The following GAN variants were observed in gnomAD, a reference collection of about 807,000 sequenced individuals.
The protein encoded by GAN is epididymis secretory sperm binding protein.
GAN carries 48 observed loss-of-function variants against 71.3 expected under a neutral mutation model. That is an observed-to-expected ratio of 0.67 (90% CI 0.53 to 0.86). GAN has a LOEUF of 0.86. GAN is among the 40% of genes least tolerant of loss of function. GAN has a pLI of 0.00. For missense variants in GAN, 928 were observed against 770.1 expected (o/e 1.21, Z -2.43); for synonymous variants, 386 against 276.8 (o/e 1.39, Z -3.92).
chr16:81,343,542 A>G (rs1567486944), intron 1 of GAN, among the ~76,000 whole-genome samples: 4 of 152,228 alleles, frequency 2.6e-5, no homozygotes, highest in African/African-American at 9.6e-5. Context: ...ACAGATGTAG[A>G]AAAGGCCTTT....
intron 5 of GAN, among the ~76,000 whole-genome samples, chr16:81,360,106 A>G (rs1205856249): frequency 6.6e-6 from 1 of 152,146 alleles, no homozygotes; most frequent in African/African-American, 2.4e-5. Flanking sequence ...TAGATGATTG[A>G]TAGACAGGCA....
intron 1 of GAN, among the ~76,000 whole-genome samples, chr16:81,339,769 A>T (rs1909880960): frequency 6.6e-6 from 1 of 152,180 alleles, no homozygotes; most frequent in African/African-American, 2.4e-5. Flanking sequence ...AACAGCTGGC[A>T]TTACAACTGA....
intron 5 of GAN, among the ~76,000 whole-genome samples, chr16:81,358,838 C>G (rs1249127364): frequency 2.6e-5 from 4 of 152,174 alleles, no homozygotes; most frequent in Admixed American, 2.6e-4. Context: ...GCTCCCTTGT[C>G]CACCTGATAA....
chr16:81,335,058 T>C (rs539683224), intron 1 of GAN, among the ~76,000 whole-genome samples: 101 of 149,372 alleles, frequency 6.8e-4, no homozygotes, highest in Middle Eastern at 3.4e-3. Flanking sequence ...GGCTTGTTGT[T>C]TTAGACATGG....
intron 4 of GAN, 125 bp downstream of exon 4, chr16:81,357,127 T>A: frequency 1.3e-6 from 1 of 749,676 alleles, no homozygotes; most frequent in East Asian, 2.7e-5. Context: ...TTTTTATACT[T>A]TAAGTTTTAG....
At chr16:81,331,286 G>C (rs1044926853) in intron 1 of GAN, among the ~76,000 whole-genome samples, 1 of 152,204 alleles carries the variant, frequency 6.6e-6, no homozygotes, top group African/African-American at 2.4e-5. Context: ...GGTCATGAAA[G>C]ACAAGGAAGG....
chr16:81,375,172 C>T (rs936339492), intron 9 of GAN, among the ~76,000 whole-genome samples: 30 of 151,824 alleles, frequency 2.0e-4, no homozygotes, highest in African/African-American at 6.3e-4. Flanking sequence ...ATGAAAAGGC[C>T]ACCTACATGC....
At chr16:81,325,136 G>C (rs575904375) in intron 1 of GAN, among the ~76,000 whole-genome samples, 2 of 152,200 alleles carry the variant, frequency 1.3e-5, no homozygotes, top group Non-Finnish European at 2.9e-5. Flanking sequence ...CTTACAGTAG[G>C]CATTAAAGTC....
At chr16:81,315,357 C>T in intron 1 of GAN, 77 bp downstream of exon 1, 1 of 1,064,488 alleles carries the variant, frequency 9.4e-7, no homozygotes, top group South Asian at 3.1e-5. Context: ...CCGGGCGTGG[C>T]CCCCAGACCC....
intron 4 of GAN, 77 bp from the exon 5 acceptor site, chr16:81,357,733 C>G: frequency 3.7e-6 from 5 of 1,335,094 alleles, no homozygotes; most frequent in Non-Finnish European, 5.4e-6. Flanking sequence ...CTTTAGTAAA[C>G]TAAAACTAGT....
chr16:81,375,973 CAAAAAA>C (rs55948304), intron 9 of GAN, among the ~76,000 whole-genome samples: 1 of 106,530 alleles, frequency 9.4e-6, no homozygotes, highest in Admixed American at 1.0e-4. Flanking sequence ...GACCCTGTCT[CAAAAAA>C]AAAAAAAAAA....
intron 1 of GAN, among the ~76,000 whole-genome samples, chr16:81,347,982 A>C (rs905216777): frequency 6.6e-6 from 1 of 151,742 alleles, no homozygotes; most frequent in African/African-American, 2.4e-5. Context: ...AGTTTTCTTA[A>C]CTTATCTCTC....
intron 1 of GAN, among the ~76,000 whole-genome samples, chr16:81,332,905 A>G (rs1037795959): frequency 6.6e-6 from 1 of 152,160 alleles, no homozygotes; most frequent in Non-Finnish European, 1.5e-5. Context: ...TTGTCCCAAC[A>G]TTGGTATTGT....
intron 1 of GAN, among the ~76,000 whole-genome samples, chr16:81,331,325 A>T (rs11150386): frequency 0.98 from 148,705 of 152,318 alleles, 72,667 homozygotes; most frequent in Non-Finnish European, 1. Context: ...ATTAGAGACA[A>T]GACAACTAAC....
chr16:81,354,687 G>T lies in GAN; in HGVS notation c.565G>T (p.Val189Phe), dbSNP rs766484755. 2 of 1,613,562 alleles carry T rather than the reference G, an allele frequency of 1.2e-6. No homozygotes were observed. Among genetic ancestry groups the T allele is most frequent in the South Asian group, 2.2e-5 (2 of 91,070 alleles). ...AGTGATTTCTCTTGAGAAGTTAAAC[G>T]TTGGCAATGAAAGATATGTCTTTGA... ...KEVISLEKLN[V>F]GNERYVFEAV... The change falls in exon 3 of 11, where the codon GTT becomes TTT. Residue 189 changes from valine (V) to phenylalanine (F), a missense_variant. Coordinates refer to ENST00000648994, the MANE Select transcript of GAN (RefSeq NM_022041.4).
chr16:81,319,012 C>G (rs576221224), intron 1 of GAN, among the ~76,000 whole-genome samples: 12 of 151,868 alleles, frequency 7.9e-5, no homozygotes, highest in African/African-American at 2.9e-4. Context: ...GTTGGGGAAA[C>G]TAAACCTAAA....
At chr16:81,362,436 C>G in intron 5 of GAN, 63 bp from the exon 6 acceptor site, 1 of 821,658 alleles carries the variant, frequency 1.2e-6, no homozygotes, top group South Asian at 1.3e-5. Flanking sequence ...TCTATATATG[C>G]TGTGGCGTTT....
rs183778604 is a variant in GAN at position 81,364,702 on chromosome 16, A to T, written c.1237-272A>T. Among the ~76,000 whole-genome samples the T allele has an allele frequency of 4.0e-3, 608 of 152,282 alleles. 3 individuals carry two copies. Among genetic ancestry groups the T allele is most frequent in the Non-Finnish European group, 6.1e-3 (412 of 68,030 alleles). On this transcript the variant is annotated intron_variant, in intron 7 of 10. Transcript: ENST00000648994. Reference sequence around the variant, plus strand: ...AGACCCTGTCTCTAATAAATAAATAAATAAAAATGAGGCTTTTGAACTTCT... The same window carrying T: ...AGACCCTGTCTCTAATAAATAAATATATAAAAATGAGGCTTTTGAACTTCT...
At chr16:81,367,592 C>T (rs1910902548) in intron 9 of GAN, among the ~76,000 whole-genome samples, 1 of 152,186 alleles carries the variant, frequency 6.6e-6, no homozygotes, top group African/African-American at 2.4e-5. Context: ...TCTAAGCTCT[C>T]TGATGTTTGT....
Sources: gnomAD v4.1 joint callset for allele counts (sites outside exome capture counted in the v4.1 genomes callset) on GRCh38, gnomAD v4.1.1 for gene constraint, MANE v1.5 for transcripts, NCBI Gene and HGNC (gene_info 2026-07-23, HGNC 2026-07-21) for gene names.